The following SCAPER variants were observed in gnomAD, a reference collection of about 807,000 sequenced individuals.
The protein encoded by SCAPER is S phase cyclin A-associated protein in the endoplasmic reticulum.
Under a neutral mutation model 182.2 loss-of-function variants are expected in SCAPER, and 98 were observed. That is an observed-to-expected ratio of 0.54 (90% confidence interval 0.46 to 0.64). SCAPER has a LOEUF of 0.64. SCAPER is among the 30% of genes least tolerant of loss of function. SCAPER has a pLI of 0.00. For synonymous variants in SCAPER, 605 were observed against 564.6 expected, an observed-to-expected ratio of 1.07 and a Z score of -1.01; for missense variants, 1,432 against 1,690.0, an observed-to-expected ratio of 0.85 and a Z score of 2.68.
At chr15:76,901,032 A>AT (rs1349492435) in intron 1 of SCAPER, among the ~76,000 whole-genome samples, 2 of 152,166 alleles carry the variant, frequency 1.3e-5, no homozygotes, top group Non-Finnish European at 2.9e-5. Context: ...TACTGTTCAC[A>AT]TTTTTGCTAA....
chr15:76,464,563 A>G (rs1011792112), intron 25 of SCAPER, among the ~76,000 whole-genome samples: 1 of 152,130 alleles, frequency 6.6e-6, no homozygotes, highest in African/African-American at 2.4e-5. Context: ...TGAAAAAAAA[A>G]CTATGCATAA....
chr15:76,391,748 C>G (rs181564502), intron 27 of SCAPER, among the ~76,000 whole-genome samples: 1 of 152,160 alleles, frequency 6.6e-6, no homozygotes, highest in Non-Finnish European at 1.5e-5. Flanking sequence ...ATGTGCCTGA[C>G]GGGAAGCTGC....
chr15:76,727,484 T>G (rs1348210909), intron 17 of SCAPER, among the ~76,000 whole-genome samples: 1 of 151,944 alleles, frequency 6.6e-6, no homozygotes, highest in Admixed American at 6.6e-5. Flanking sequence ...TGCAGATCAG[T>G]AGGGAAAAAA....
chr15:76,651,612 A>G (rs1359315388), intron 21 of SCAPER, among the ~76,000 whole-genome samples: 1 of 151,002 alleles, frequency 6.6e-6, no homozygotes, highest in African/African-American at 2.4e-5. Context: ...TAAATTAGTA[A>G]CAAAGAACCT....
At chr15:76,531,248 C>G (rs1355636006) in intron 23 of SCAPER, among the ~76,000 whole-genome samples, 2 of 152,096 alleles carry the variant, frequency 1.3e-5, no homozygotes, top group Non-Finnish European at 2.9e-5. Flanking sequence ...TCTACTAAAG[C>G]TGGAAAAGGA....
intron 27 of SCAPER, among the ~76,000 whole-genome samples, chr15:76,387,873 TAC>T (rs1288263413): frequency 6.6e-6 from 1 of 152,206 alleles, no homozygotes; most frequent in Non-Finnish European, 1.5e-5. Context: ...GGGAATGGAA[TAC>T]AGTTTGTCAA....
chr15:76,900,698 A>G (rs1471986962), intron 1 of SCAPER, among the ~76,000 whole-genome samples: 1 of 152,208 alleles, frequency 6.6e-6, no homozygotes, highest in Admixed American at 6.5e-5. Context: ...CAGAAAAGGC[A>G]TATCTTTTCT....
At chr15:76,460,357 A>G (rs1588961) in intron 25 of SCAPER, among the ~76,000 whole-genome samples, 60,350 of 151,848 alleles carry the variant, frequency 0.4, 14,286 homozygotes, top group Middle Eastern at 0.56. Context: ...TTTTTCAGCT[A>G]TTTCATCATT....
intron 22 of SCAPER, among the ~76,000 whole-genome samples, chr15:76,608,640 C>A (rs1420210715): frequency 3.3e-5 from 5 of 152,208 alleles, no homozygotes; most frequent in African/African-American, 1.2e-4. Context: ...GGCAGGCAGG[C>A]CTCCTTGAGC....
chr15:76,419,498 A>T (rs762210069), intron 26 of SCAPER, among the ~76,000 whole-genome samples: 1 of 152,138 alleles, frequency 6.6e-6, no homozygotes, highest in Non-Finnish European at 1.5e-5. Flanking sequence ...AGGTGGGCAG[A>T]TCATCTGAGG....
At chr15:76,459,697 T>C (rs2049010709) in intron 25 of SCAPER, among the ~76,000 whole-genome samples, 1 of 152,182 alleles carries the variant, frequency 6.6e-6, no homozygotes, top group Non-Finnish European at 1.5e-5. Flanking sequence ...AGTCCATTTG[T>C]CTATTTTTGT....
chr15:76,822,129 A>C (rs561883312), intron 5 of SCAPER, among the ~76,000 whole-genome samples: 1 of 152,328 alleles, frequency 6.6e-6, no homozygotes, highest in South Asian at 2.1e-4. Flanking sequence ...GTATAAGACC[A>C]AGAGCAAACA....
At chr15:76,644,840 C>T (rs1290854399) in intron 21 of SCAPER, among the ~76,000 whole-genome samples, 3 of 151,972 alleles carry the variant, frequency 2.0e-5, no homozygotes, top group Non-Finnish European at 2.9e-5. Context: ...ATTCCATTGC[C>T]AAATATACCC....
At chr15:76,691,729 G>C (rs2058370912) in intron 20 of SCAPER, among the ~76,000 whole-genome samples, 1 of 151,980 alleles carries the variant, frequency 6.6e-6, no homozygotes, top group African/African-American at 2.4e-5. Flanking sequence ...CAAATGATGG[G>C]TACAAAGAAA....
At position 76,841,941 on chromosome 15, in the gene SCAPER, T is replaced by G. The variant is rs746481581; in HGVS notation, c.196-10A>C. 1 of 1,596,664 alleles carries G rather than the reference T, an allele frequency of 6.3e-7. No individual in the cohort carries two copies. Among genetic ancestry groups the G allele is most frequent in the Non-Finnish European group, 8.5e-7 (1 of 1,173,608 alleles). ...AGTCCACTGCAGTACTCTGGTGAAG[T>G]AAAATAAAACATGAAAATAAATAAA... is the stretch of plus-strand genomic sequence containing the variant. On this transcript the variant is annotated splice_polypyrimidine_tract_variant and intron_variant, in intron 4 of 31. Transcript: ENST00000563290.
At chr15:76,801,808 T>C (rs542748795) in intron 6 of SCAPER, among the ~76,000 whole-genome samples, 73 of 151,902 alleles carry the variant, frequency 4.8e-4, no homozygotes, top group African/African-American at 1.8e-3. Context: ...TAATCCCAGC[T>C]ACTTGGGAAG....
intron 26 of SCAPER, among the ~76,000 whole-genome samples, chr15:76,410,784 C>G (rs962609019): frequency 6.2e-5 from 9 of 144,556 alleles, no homozygotes; most frequent in African/African-American, 2.3e-4. Context: ...TCTATTCTTG[C>G]TTTTTTTTTT....
intron 16 of SCAPER, among the ~76,000 whole-genome samples, chr15:76,729,240 C>T (rs1186380987): frequency 6.6e-6 from 1 of 150,540 alleles, no homozygotes; most frequent in Non-Finnish European, 1.5e-5. Flanking sequence ...ACTTAATAAA[C>T]TCATATATAT....
At chr15:76,719,253 G>C (rs1464524066) in intron 17 of SCAPER, among the ~76,000 whole-genome samples, 2 of 152,130 alleles carry the variant, frequency 1.3e-5, no homozygotes, top group Non-Finnish European at 2.9e-5. Context: ...GATGAGCCTA[G>C]AGAACAATAT....
Sources: allele counts gnomAD v4.1 joint callset (sites outside exome capture counted in the v4.1 genomes callset), GRCh38; gene constraint gnomAD v4.1.1; transcripts MANE v1.5; gene names NCBI Gene and HGNC (gene_info 2026-07-23, HGNC 2026-07-21).